The following PLCE1 variants were observed in gnomAD, a reference collection of about 807,000 sequenced individuals.
PLCE1 encodes phospholipase C epsilon 1.
PLCE1 carries 119 observed loss-of-function variants against 242.8 expected under a neutral mutation model. The ratio of observed to expected loss-of-function variants is 0.49; its 90% CI spans 0.42 to 0.57. The LOEUF (loss-of-function observed/expected upper bound fraction) is 0.57. PLCE1 is among the 20% of genes least tolerant of loss of function. PLCE1 has a pLI of 0.00. For synonymous variants in PLCE1, 945 were observed against 1,017.4 expected (o/e 0.93, Z 1.35); for missense variants, 2,441 against 2,788.8 (o/e 0.88, Z 2.81).
At chr10:93,998,480 T>C (rs2060871874) in intron 1 of PLCE1, among the ~76,000 whole-genome samples, 1 of 152,190 alleles carries the variant, frequency 6.6e-6, no homozygotes, top group Non-Finnish European at 1.5e-5. Context: ...TATTCGTAAA[T>C]ACAAGATTCT....
At chr10:94,151,355 T>A (rs1351853910) in intron 3 of PLCE1, among the ~76,000 whole-genome samples, 1 of 152,108 alleles carries the variant, frequency 6.6e-6, no homozygotes, top group African/African-American at 2.4e-5. Context: ...AGAATATACA[T>A]GAAGGGAACA....
intron 3 of PLCE1, among the ~76,000 whole-genome samples, chr10:94,142,165 C>T (rs1010971670): frequency 2.6e-5 from 4 of 152,016 alleles, no homozygotes; most frequent in Admixed American, 6.6e-5. Flanking sequence ...TCTGCATCTA[C>T]AAAATGGGAA....
chr10:94,281,808 A>G (rs532703451), intron 20 of PLCE1, among the ~76,000 whole-genome samples: 10 of 152,128 alleles, frequency 6.6e-5, no homozygotes, highest in Non-Finnish European at 1.3e-4. Flanking sequence ...CAGGCCTTGT[A>G]GTTATGCTGT....
chr10:94,285,087 T>C (rs908865753), intron 22 of PLCE1, 122 bp downstream of exon 22: 11 of 675,730 alleles, frequency 1.6e-5, no homozygotes, highest in African/African-American at 1.6e-4. Context: ...GAAATCATTG[T>C]TATAATACCT....
At chr10:94,240,593 C>T (rs996258341) in intron 7 of PLCE1, among the ~76,000 whole-genome samples, 2 of 152,034 alleles carry the variant, frequency 1.3e-5, no homozygotes, top group African/African-American at 2.4e-5. Context: ...TTGTTTGTCA[C>T]GTGGTAATTC....
rs553930731 is a variant in PLCE1, at chr10:94,217,586, T to C, written c.1810-9720T>C. 3.3e-5 allele frequency among the ~76,000 whole-genome samples: 5 copies of C among 152,320 alleles called. No individual in the cohort carries two copies. The South Asian group carries it at 1.0e-3, about 32-fold the overall frequency. ...ATGATCCATTCAATTCAATTAACTA[T>C]GGTGAGAGAGAAGAGGATAACACAT... On this transcript the variant is annotated intron_variant, in intron 4 of 32. Transcript: ENST00000371380.
intron 2 of PLCE1, among the ~76,000 whole-genome samples, chr10:94,094,319 TAG>T (rs1357738970): frequency 8.4e-6 from 1 of 118,522 alleles, no homozygotes; most frequent in Non-Finnish European, 1.6e-5. Context: ...GCCACCGTGT[TAG>T]AGAGAAACAG....
intron 1 of PLCE1, among the ~76,000 whole-genome samples, chr10:94,001,321 A>G (rs2060926300): frequency 6.6e-6 from 1 of 152,180 alleles, no homozygotes; most frequent in African/African-American, 2.4e-5. Context: ...CCTCAAGGAA[A>G]TGTGCTCCAT....
chr10:94,184,665 GGCTCTGTTTTA>G (rs2048414318), intron 4 of PLCE1, among the ~76,000 whole-genome samples: 1 of 152,108 alleles, frequency 6.6e-6, no homozygotes, highest in Non-Finnish European at 1.5e-5. Flanking sequence ...CCCTCTCTCT[GGCTCTGTTTTA>G]GCCACACAAC....
At chr10:94,265,399 C>G (rs994596194) in intron 14 of PLCE1, among the ~76,000 whole-genome samples, 2 of 152,092 alleles carry the variant, frequency 1.3e-5, no homozygotes, top group Non-Finnish European at 2.9e-5. Flanking sequence ...TAGAAATCAG[C>G]CTTCTTTTCT....
intron 2 of PLCE1, 145 bp from the exon 3 acceptor site, chr10:94,132,029 A>T (rs1163912540): frequency 1.4e-6 from 1 of 720,224 alleles, no homozygotes; most frequent in Non-Finnish European, 2.4e-6. Context: ...GTTCAGGTTA[A>T]TGCATGAGCC....
At chr10:94,155,257 CAA>C (rs2047394593) in intron 3 of PLCE1, among the ~76,000 whole-genome samples, 1 of 152,036 alleles carries the variant, frequency 6.6e-6, no homozygotes, top group Non-Finnish European at 1.5e-5. Context: ...GATGAATAAA[CAA>C]AATGTGGTAT....
At chr10:94,250,769 C>T (rs544025478) in intron 8 of PLCE1, among the ~76,000 whole-genome samples, 132 of 151,998 alleles carry the variant, frequency 8.7e-4, no homozygotes, top group African/African-American at 3.2e-3. Flanking sequence ...CTATAATGGG[C>T]CTATTAAGCT....
At position 94,132,318 on chromosome 10, in the gene PLCE1, T is replaced by G; in HGVS notation, c.1351T>G (p.Cys451Gly). 1 of 1,613,968 alleles carries G rather than the reference T, an allele frequency of 6.2e-7. No individual in the cohort carries two copies. Among genetic ancestry groups the G allele is most frequent in the Non-Finnish European group, 8.5e-7 (1 of 1,180,008 alleles). The stretch of plus-strand genomic sequence containing the variant: ...AAAGCAATGTGTCCGAGACACTGTA[T>G]GTGAGTATCGCGCCACCCTCCAAAG... ...CLKQCVRDTV[C>G]EYRATLQRTS... The change falls in exon 3 of 33, where the codon TGT becomes GGT. Residue 451 changes from cysteine to glycine, a missense_variant. Coordinates refer to ENST00000371380, the MANE Select transcript of PLCE1 (RefSeq NM_016341.4).
intron 2 of PLCE1, among the ~76,000 whole-genome samples, chr10:94,039,500 A>G (rs567981237): frequency 3.3e-5 from 5 of 151,992 alleles, no homozygotes; most frequent in African/African-American, 1.2e-4. Flanking sequence ...TCATGCCTCA[A>G]CCTGAGGCAT....
At chr10:94,300,919 G>C (rs916292517) in intron 24 of PLCE1, among the ~76,000 whole-genome samples, 1 of 152,116 alleles carries the variant, frequency 6.6e-6, no homozygotes, top group African/African-American at 2.4e-5. Context: ...AAACAAAATA[G>C]TGGGGCTTGG....
intron 6 of PLCE1, among the ~76,000 whole-genome samples, chr10:94,235,181 G>T (rs1385578052): frequency 5.3e-5 from 8 of 151,694 alleles, no homozygotes. Flanking sequence ...GGGAGCAAAG[G>T]CATCACCTGA....
chr10:94,260,567 A>G (rs532943507), intron 13 of PLCE1, among the ~76,000 whole-genome samples: 4 of 152,162 alleles, frequency 2.6e-5, no homozygotes, highest in Admixed American at 2.6e-4. Context: ...GGATTAGTCA[A>G]GTAGTTACAT....
chr10:94,321,933 CAA>C lies in PLCE1; in HGVS notation c.6377_6378del (p.Lys2126ArgfsTer17), dbSNP rs773902333. On this transcript the variant is annotated frameshift_variant, in exon 30 of 33. Transcript: ENST00000371380. LOFTEE classifies it high-confidence loss of function. ...AAGAGAAAAACATTGTTCAAGATGA[CAA>C]AGAGGTGATCTTGAGCTCAGAGGAG... Reference protein sequence around the residue: ...LEEKNIVQDDKEVILSSEEES... With the variant: ...LEEKNIVQDDXEVILSSEEES... 95 of 1,613,610 alleles carry C rather than the reference CAA, an allele frequency of 5.9e-5. No homozygotes were observed. Among genetic ancestry groups the C allele is most frequent in the Non-Finnish European group, 7.6e-5 (90 of 1,179,700 alleles).
Sources: allele counts gnomAD v4.1 joint callset (sites outside exome capture counted in the v4.1 genomes callset), GRCh38; gene constraint gnomAD v4.1.1; transcripts MANE v1.5; gene names NCBI Gene and HGNC (gene_info 2026-07-23, HGNC 2026-07-21).